FRAS1: variants seen among roughly 807,000 people sequenced by gnomAD.
FRAS1 encodes the protein extracellular matrix organizing protein FRAS1.
In FRAS1, 290 loss-of-function variants were observed where a neutral mutation model predicts 435.2. That is an observed-to-expected ratio of 0.67 (90% CI 0.61 to 0.73). FRAS1 has a LOEUF of 0.73. Ranked by LOEUF, FRAS1 falls within the 30% of genes least tolerant of loss-of-function variation. The probability of loss-of-function intolerance (pLI) is 0.00; values close to 1 mark genes in which losing one functional copy is unlikely to be tolerated. For missense variants in FRAS1, 4,860 were observed against 5,001.5 expected, an observed-to-expected ratio of 0.97 and a Z score of 0.85; for synonymous variants, 1,800 against 1,851.0, an observed-to-expected ratio of 0.97 and a Z score of 0.71.
chr4:78,284,473 A>C lies in FRAS1; in HGVS notation c.1324A>C (p.Thr442Pro). ...CCACTGTGACCTCTGCCAAGATCCT[A>C]CCAAGTTACTGCAGAATGGATGGTG... ...PDHCDLCQDP[T>P]KLLQNGWCVH... Residue 442 changes from threonine (T) to proline (P), a missense_variant, in exon 13 of 74, where the codon ACC becomes CCC. By Grantham distance (38) the Thr-to-Pro change is conservative (BLOSUM62 -1). Transcript: ENST00000512123. The C allele has an allele frequency of 6.2e-7, 1 of 1,613,802 alleles. No homozygotes were observed. The highest frequency in any genetic ancestry group is 8.5e-7 in the Non-Finnish European group (1 of 1,179,832).
chr4:78,487,601 G>A (rs1032313594), intron 58 of FRAS1, among the ~76,000 whole-genome samples: 3 of 152,154 alleles, frequency 2.0e-5, no homozygotes, highest in African/African-American at 7.2e-5. Flanking sequence ...GTTGACCTCA[G>A]AAGGGCAAAT....
chr4:78,266,741 T>C, intron 7 of FRAS1, 93 bp from the exon 8 acceptor site: 1 of 866,788 alleles, frequency 1.2e-6, no homozygotes, highest in Non-Finnish European at 1.9e-6. Flanking sequence ...ATCTTACAAA[T>C]GTAATGAAAA....
intron 2 of FRAS1, among the ~76,000 whole-genome samples, chr4:78,144,592 A>G (rs1256368438): frequency 1.3e-5 from 2 of 152,178 alleles, no homozygotes; most frequent in African/African-American, 4.8e-5. Context: ...AAATATAAAT[A>G]TGCAAAAAGA....
intron 2 of FRAS1, among the ~76,000 whole-genome samples, chr4:78,232,343 T>C (rs1724551156): frequency 6.6e-6 from 1 of 151,754 alleles, no homozygotes; most frequent in Non-Finnish European, 1.5e-5. Flanking sequence ...TGGAGTGCAG[T>C]GGTGCGATCT....
At position 78,195,127 on chromosome 4, in the gene FRAS1, C is replaced by T. The variant is rs1361441222; in HGVS notation, c.109-42383C>T. Among the ~76,000 whole-genome samples, 81 of 152,180 alleles carry T rather than the reference C, an allele frequency of 5.3e-4. 1 individual carries two copies. The highest frequency in any genetic ancestry group is 7.4e-5 in the Non-Finnish European group (5 of 68,022). On this transcript the variant is annotated intron_variant, in intron 2 of 73. Coordinates refer to ENST00000512123, the MANE Select transcript of FRAS1 (RefSeq NM_025074.7). ...CAAATGTTGCTGCCTGATCGTTCCTCCGGAAGTTTTGTCTCAGAGGAGTAC... is the reference window on the plus strand; with the variant it reads ...CAAATGTTGCTGCCTGATCGTTCCTTCGGAAGTTTTGTCTCAGAGGAGTAC...
At chr4:78,478,784 C>T (rs141655553) in intron 55 of FRAS1, among the ~76,000 whole-genome samples, 5 of 152,144 alleles carry the variant, frequency 3.3e-5, no homozygotes, top group African/African-American at 1.2e-4. Flanking sequence ...AGCAAAAACC[C>T]TTGGTAATGC....
chr4:78,223,400 A>C (rs897221192), intron 2 of FRAS1, among the ~76,000 whole-genome samples: 1 of 152,194 alleles, frequency 6.6e-6, no homozygotes, highest in South Asian at 2.1e-4. Flanking sequence ...AAAGGTTTAC[A>C]TGTCTGTAAA....
intron 32 of FRAS1, among the ~76,000 whole-genome samples, chr4:78,414,007 A>G (rs1733457063): frequency 6.6e-6 from 1 of 152,088 alleles, no homozygotes; most frequent in Non-Finnish European, 1.5e-5. Context: ...ACACAATTAC[A>G]CTCCAAAGTA....
intron 2 of FRAS1, among the ~76,000 whole-genome samples, chr4:78,202,310 G>A (rs1370169897): frequency 6.6e-6 from 1 of 152,196 alleles, no homozygotes; most frequent in African/African-American, 2.4e-5. Context: ...CCCTCATTAA[G>A]CCCACTCTCT....
chr4:78,062,896 C>T (rs1296061686), intron 1 of FRAS1, among the ~76,000 whole-genome samples: 1 of 152,124 alleles, frequency 6.6e-6, no homozygotes, highest in African/African-American at 2.4e-5. Context: ...CTTAAATTAC[C>T]TGGCATCTCA....
intron 66 of FRAS1, among the ~76,000 whole-genome samples, chr4:78,518,218 G>A (rs1274294629): frequency 6.6e-6 from 1 of 151,596 alleles, no homozygotes; most frequent in Non-Finnish European, 1.5e-5. Context: ...GAGAAAGTTG[G>A]CATCAAATTT....
At chr4:78,189,466 T>G (rs949220892) in intron 2 of FRAS1, among the ~76,000 whole-genome samples, 10 of 152,224 alleles carry the variant, frequency 6.6e-5, no homozygotes. Flanking sequence ...GCTGGAAACA[T>G]GTACTCAGTT....
chr4:78,318,791 A>G lies in FRAS1; in HGVS notation c.1961-19A>G. 2 of 1,539,344 alleles carry G rather than the reference A, an allele frequency of 1.3e-6. No individual in the cohort carries two copies. The highest frequency in any genetic ancestry group is 1.8e-6 in the Non-Finnish European group (2 of 1,140,436). On this transcript the variant is annotated intron_variant, in intron 17 of 73. Transcript: ENST00000512123. ...ATTTGATCCTTGGATTATTTTCTGC[A>G]TTTTATTTCCATTTGCAGCCTGTCA...
At chr4:78,065,121 T>C (rs1007201959) in intron 1 of FRAS1, among the ~76,000 whole-genome samples, 54 of 133,336 alleles carry the variant, frequency 4.0e-4, no homozygotes, top group Non-Finnish European at 6.4e-5. Context: ...CATATGCTAT[T>C]TATACTATAT....
rs756868976 is a variant in FRAS1, at chr4:78,315,584, C to T, written c.1679-10C>T. ...TGCCTTTCTCTGATGGGTTTTTTGC[C>T]TCCCCTTAGCTTGTGACCAATCCTG... On this transcript the variant is annotated splice_polypyrimidine_tract_variant and intron_variant, in intron 15 of 73. Coordinates refer to ENST00000512123, the MANE Select transcript of FRAS1 (RefSeq NM_025074.7). 1.9e-6 allele frequency: 3 copies of T among 1,591,462 alleles called. No homozygotes were observed. Among genetic ancestry groups the T allele is most frequent in the African/African-American group, 1.4e-5 (1 of 73,844 alleles).
intron 68 of FRAS1, 145 bp downstream of exon 68, chr4:78,521,775 A>G (rs1392179429): frequency 1.3e-5 from 7 of 554,112 alleles, no homozygotes; most frequent in Non-Finnish European, 2.2e-5. Context: ...ATCCATCCAT[A>G]CATATCTTTT....
At chr4:78,347,980 A>ACATGGTAAGAGTGATGCTCAT (rs74926675) in intron 20 of FRAS1, among the ~76,000 whole-genome samples, 4 of 51,960 alleles carry the variant, frequency 7.7e-5, no homozygotes, top group Admixed American at 1.6e-4. Flanking sequence ...GCTTCAAGAT[A>ACATGGTAAGAGTGATGCTCAT]GGGGAGGAGC....
In FRAS1 at chr4:78,508,984, C is replaced by T; in HGVS notation, c.9758C>T (p.Pro3253Leu). ...TTTGAAACCATCACTGACAACACACCATTCACCAGTGTCAACCACATGGTA... is the reference window on the plus strand; with the variant it reads ...TTTGAAACCATCACTGACAACACACTATTCACCAGTGTCAACCACATGGTA... ...SPFETITDNT[P>L]FTSVNHMVLD... Residue 3253 changes from proline (P) to leucine (L), a missense_variant, in exon 63 of 74, where the codon CCA (proline) becomes CTA (leucine). Physicochemically the swap from Pro to Leu is moderately conservative, Grantham distance 98. Transcript: ENST00000512123. 1 of 1,614,004 alleles carries T rather than the reference C, an allele frequency of 6.2e-7. No homozygotes were observed. Among genetic ancestry groups the T allele is most frequent in the Non-Finnish European group, 8.5e-7 (1 of 1,179,870 alleles).
chr4:78,340,595 A>G (rs1481468417), intron 20 of FRAS1, among the ~76,000 whole-genome samples: 1 of 152,216 alleles, frequency 6.6e-6, no homozygotes, highest in Non-Finnish European at 1.5e-5. Flanking sequence ...GCTTGCCTAC[A>G]AGAAATGGAC....
Sources: gnomAD v4.1 joint callset for allele counts (sites outside exome capture counted in the v4.1 genomes callset) on GRCh38, gnomAD v4.1.1 for gene constraint, MANE v1.5 for transcripts, NCBI Gene and HGNC (gene_info 2026-07-23, HGNC 2026-07-21) for gene names.